ASCC3: variants seen among roughly 807,000 people sequenced by gnomAD.
The protein encoded by ASCC3 is activating signal cointegrator 1 complex subunit 3.
ASCC3 carries 158 observed loss-of-function variants against 256.3 expected under a neutral mutation model. The observed-to-expected ratio is 0.62, with a 90% CI of 0.54 to 0.70. ASCC3 has a LOEUF of 0.70. Among genes scored for constraint, ASCC3 ranks in the 30% least tolerant of loss-of-function variants. ASCC3 has a pLI of 0.00. For missense variants in ASCC3, 2,259 were observed against 2,626.0 expected (o/e 0.86, Z 3.05); for synonymous variants, 948 against 883.4 (o/e 1.07, Z -1.30).
chr6:100,751,671 C>T (rs117887093), intron 10 of ASCC3, among the ~76,000 whole-genome samples: 2,085 of 152,126 alleles, frequency 0.014, 21 homozygotes, highest in East Asian at 0.045. Flanking sequence ...TGCTCAAGAC[C>T]GCATTGTAAA....
At chr6:100,558,567 A>G (rs977989973) in intron 36 of ASCC3, among the ~76,000 whole-genome samples, 5 of 152,060 alleles carry the variant, frequency 3.3e-5, no homozygotes, top group Non-Finnish European at 7.4e-5. Flanking sequence ...TGTAAAATAA[A>G]GAAACTAGAG....
At chr6:100,565,415 A>C (rs1459514267) in intron 36 of ASCC3, among the ~76,000 whole-genome samples, 2 of 152,164 alleles carry the variant, frequency 1.3e-5, no homozygotes, top group Non-Finnish European at 2.9e-5. Context: ...AGTATTACTA[A>C]TAATAATTAC....
At chr6:100,669,336 T>G (rs977459104) in intron 14 of ASCC3, among the ~76,000 whole-genome samples, 1 of 150,350 alleles carries the variant, frequency 6.7e-6, no homozygotes, top group Admixed American at 6.6e-5. Context: ...TATATATATA[T>G]ACACAGACAA....
intron 10 of ASCC3, among the ~76,000 whole-genome samples, chr6:100,759,903 A>AT (rs1176534903): frequency 6.6e-6 from 1 of 151,662 alleles, no homozygotes; most frequent in Non-Finnish European, 1.5e-5. Flanking sequence ...TAGGTATTTT[A>AT]TTTTCTTTGT....
rs571771058 is a variant in ASCC3, at chr6:100,583,625, G to A, written c.5550+6009C>T. The stretch of plus-strand genomic sequence containing the variant: ...TGATTTTAGTTATTTCTTGCCTTCT[G>A]CAAGCTTTTGAATGTGATTGCTCTT... On this transcript the variant is annotated intron_variant, in intron 36 of 41. Coordinates refer to ENST00000369162, the MANE Select transcript of ASCC3 (RefSeq NM_006828.4). Among the ~76,000 whole-genome samples, 19 of 152,178 alleles carry A rather than the reference G, an allele frequency of 1.2e-4. No homozygotes were observed. In the East Asian group the frequency reaches 2.9e-3, roughly 23 times the overall value.
chr6:100,513,599 T>C (rs1175783282), intron 39 of ASCC3, among the ~76,000 whole-genome samples: 1 of 152,192 alleles, frequency 6.6e-6, no homozygotes, highest in Non-Finnish European at 1.5e-5. Context: ...TTTTATATCA[T>C]AAGGAATTCT....
intron 37 of ASCC3, among the ~76,000 whole-genome samples, chr6:100,537,833 A>T (rs1775240286): frequency 6.6e-6 from 1 of 151,232 alleles, no homozygotes; most frequent in South Asian, 2.1e-4. Context: ...GTTTAGAAGG[A>T]TCAACAATAT....
chr6:100,738,720 A>T (rs1481394414), intron 10 of ASCC3, among the ~76,000 whole-genome samples: 2 of 152,092 alleles, frequency 1.3e-5, no homozygotes, highest in Admixed American at 6.6e-5. Flanking sequence ...GTTCCACATG[A>T]ATTTTAAAAT....
chr6:100,605,649 C>T lies in ASCC3; in HGVS notation c.5096G>A (p.Gly1699Asp), dbSNP rs1369867022. The change falls in exon 33 of 42, where the codon GGC (glycine) becomes GAC (aspartate). Residue 1699 changes from glycine (G) to aspartate (D), a missense_variant. By Grantham distance (94) the Gly-to-Asp change is moderately conservative (BLOSUM62 -1). Around this residue, in one of 2 missense-constraint regions of ASCC3, gnomAD observed 1,839 missense variants for 2,206.7 expected, o/e 0.83. Transcript: ENST00000369162. ...GTCATGAACTAGAATTACAGCTTTG[C>T]CTTGGTCATCGAACTGCGGCCTCCC... Reference protein sequence around the residue: ...RAGRPQFDDQGKAVILVHDIK... With the variant: ...RAGRPQFDDQDKAVILVHDIK... 3.1e-6 allele frequency: 5 copies of T among 1,611,450 alleles called. No homozygotes were observed. The highest frequency in any genetic ancestry group is 1.1e-5 in the South Asian group (1 of 90,998).
At chr6:100,673,350 T>C (rs1323845327) in intron 14 of ASCC3, among the ~76,000 whole-genome samples, 1 of 152,144 alleles carries the variant, frequency 6.6e-6, no homozygotes, top group Admixed American at 6.6e-5. Context: ...ATTTATAACA[T>C]TATTTATTAA....
chr6:100,591,227 T>C (rs1771983930), intron 34 of ASCC3, among the ~76,000 whole-genome samples: 1 of 152,068 alleles, frequency 6.6e-6, no homozygotes, highest in Admixed American at 6.6e-5. Context: ...ACCAAAATTA[T>C]TAACCATTAG....
At chr6:100,741,143 T>C (rs963780757) in intron 10 of ASCC3, among the ~76,000 whole-genome samples, 1 of 152,232 alleles carries the variant, frequency 6.6e-6, no homozygotes, top group African/African-American at 2.4e-5. Flanking sequence ...CTTATGAAGC[T>C]TAGTTTGGCC....
chr6:100,662,275 T>A, intron 15 of ASCC3, 70 bp downstream of exon 15: 1 of 1,474,252 alleles, frequency 6.8e-7, no homozygotes, highest in Admixed American at 2.1e-5. Flanking sequence ...TATTTTTCTA[T>A]GTAAGTCAAC....
chr6:100,713,760 T>C (rs1778967787), intron 13 of ASCC3, among the ~76,000 whole-genome samples: 1 of 152,070 alleles, frequency 6.6e-6, no homozygotes, highest in African/African-American at 2.4e-5. Flanking sequence ...TTTAAATATT[T>C]ACTGAATCTT....
rs769649534 is a variant in ASCC3 at position 100,642,575 on chromosome 6, T to A, written c.3901+6A>T. The A allele has an allele frequency of 6.2e-7, 1 of 1,613,538 alleles. No homozygotes were observed. Among genetic ancestry groups the A allele is most frequent in the African/African-American group, 1.3e-5 (1 of 74,924 alleles). On this transcript the variant is annotated splice_donor_region_variant and intron_variant, in intron 24 of 41. Transcript: ENST00000369162. ...CAATGATTCAAATCAGCATTCACCATGTTACCTGTATGAGGAGGATGTCTC... is the reference window on the plus strand; with the variant it reads ...CAATGATTCAAATCAGCATTCACCAAGTTACCTGTATGAGGAGGATGTCTC...
chr6:100,646,513 T>C (rs1288891190), intron 22 of ASCC3, 102 bp downstream of exon 22: 9 of 1,249,656 alleles, frequency 7.2e-6, no homozygotes, highest in African/African-American at 1.7e-5. Context: ...TCAATATATA[T>C]TCTTTTTAGA....
rs185784347 is a variant in ASCC3 at position 100,683,473 on chromosome 6, T to C, written c.2152-3721A>G. On this transcript the variant is annotated intron_variant, in intron 13 of 41. Transcript: ENST00000369162. ...ATGTCGTGTTAAGTAAAATAAACCC[T>C]TTTTTTTAATTAAAAATTTCATTGA... 3.8e-3 allele frequency among the ~76,000 whole-genome samples: 570 copies of C among 149,828 alleles called. 2 individuals are homozygous for C. The highest frequency in any genetic ancestry group is 6.1e-3 in the Non-Finnish European group (411 of 67,188).
At chr6:100,787,960 G>GTT (rs111711211) in intron 8 of ASCC3, among the ~76,000 whole-genome samples, 1 of 145,764 alleles carries the variant, frequency 6.9e-6, no homozygotes. Context: ...GCATAATCGA[G>GTT]TTTTTTTTTT....
At position 100,589,629 on chromosome 6, in the gene ASCC3, C is replaced by A; in HGVS notation, c.5550+5G>T. On this transcript the variant is annotated splice_donor_5th_base_variant and intron_variant, in intron 36 of 41. Coordinates refer to ENST00000369162, the MANE Select transcript of ASCC3 (RefSeq NM_006828.4). ...GAGAAGATATGAAATATATGAAAAA[C>A]TCACACTTAGAATTGAAAGCAGTTC... The A allele has an allele frequency of 6.2e-7, 1 of 1,613,176 alleles. No homozygotes were observed. Among genetic ancestry groups the A allele is most frequent in the South Asian group, 1.1e-5 (1 of 91,036 alleles).
Sources: gnomAD v4.1 joint callset for allele counts (sites outside exome capture counted in the v4.1 genomes callset) on GRCh38, gnomAD v4.1.1 for gene constraint, gnomAD v4.1.1 regional missense constraint, MANE v1.5 for transcripts, NCBI Gene and HGNC (gene_info 2026-07-23, HGNC 2026-07-21) for gene names.